The following TEAD1 variants were observed in gnomAD, a reference collection of about 807,000 sequenced individuals.
The protein encoded by TEAD1 is transcriptional enhancer factor TEF-1.
In TEAD1, 9 loss-of-function variants were observed where a neutral mutation model predicts 54.9. The observed-to-expected ratio is 0.16, with a 90% CI of 0.10 to 0.29. TEAD1 has a LOEUF of 0.29. TEAD1 is among the 10% of genes least tolerant of loss of function. The pLI, the probability that TEAD1 is intolerant of heterozygous loss-of-function variation, is 1.00. For missense variants in TEAD1, 387 were observed against 535.9 expected, an observed-to-expected ratio of 0.72 and a Z score of 2.74; for synonymous variants, 200 against 187.8, an observed-to-expected ratio of 1.07 and a Z score of -0.53.
At chr11:12,769,395 G>A (rs1405587199) in intron 3 of TEAD1, among the ~76,000 whole-genome samples, 1 of 152,180 alleles carries the variant, frequency 6.6e-6, no homozygotes, top group Non-Finnish European at 1.5e-5. Flanking sequence ...TGACAAGGGG[G>A]TATCAGAATG....
At chr11:12,781,797 A>G (rs891662532) in intron 3 of TEAD1, among the ~76,000 whole-genome samples, 6 of 151,694 alleles carry the variant, frequency 4.0e-5, no homozygotes, top group South Asian at 2.1e-4. Flanking sequence ...TTATTATAGG[A>G]CCCAAAAGAA....
intron 9 of TEAD1, among the ~76,000 whole-genome samples, chr11:12,899,947 T>TG (rs1182292798): frequency 6.6e-6 from 1 of 152,244 alleles, no homozygotes; most frequent in Non-Finnish European, 1.5e-5. Context: ...GAGATCCAAA[T>TG]GTGGGTAGCA....
intron 2 of TEAD1, among the ~76,000 whole-genome samples, chr11:12,734,287 CAT>C (rs766830479): frequency 2.0e-5 from 3 of 151,882 alleles, no homozygotes; most frequent in African/African-American, 7.3e-5. Context: ...TAGAAAAAGA[CAT>C]AAAATATTTT....
intron 2 of TEAD1, among the ~76,000 whole-genome samples, chr11:12,739,368 A>C (rs775499476): frequency 6.6e-6 from 1 of 152,198 alleles, no homozygotes; most frequent in Non-Finnish European, 1.5e-5. Context: ...TTGTTTTGCT[A>C]TCGTCACCAC....
chr11:12,764,487 G>A, intron 3 of TEAD1, 53 bp downstream of exon 3: 1 of 1,584,798 alleles, frequency 6.3e-7, no homozygotes, highest in Non-Finnish European at 8.7e-7. Context: ...GTTGTGGTAG[G>A]GGATAGATTG....
chr11:12,888,368 G>A (rs1384405894), intron 9 of TEAD1, among the ~76,000 whole-genome samples: 2 of 152,174 alleles, frequency 1.3e-5, no homozygotes, highest in Non-Finnish European at 2.9e-5. Flanking sequence ...AATTAGCTGG[G>A]CATGGTGGAG....
At chr11:12,803,338 A>G (rs1462729625) in intron 3 of TEAD1, among the ~76,000 whole-genome samples, 1 of 152,204 alleles carries the variant, frequency 6.6e-6, no homozygotes, top group Non-Finnish European at 1.5e-5. Flanking sequence ...ATGAAGGATT[A>G]TGAGTCTGAA....
intron 9 of TEAD1, 65 bp downstream of exon 9, chr11:12,883,190 T>C: frequency 6.2e-7 from 1 of 1,611,036 alleles, no homozygotes; most frequent in Non-Finnish European, 8.5e-7. Context: ...TTTACCTCCT[T>C]GCTTCTCTTT....
At chr11:12,890,002 G>A (rs1352362811) in intron 9 of TEAD1, among the ~76,000 whole-genome samples, 5 of 152,148 alleles carry the variant, frequency 3.3e-5, no homozygotes, top group African/African-American at 1.2e-4. Flanking sequence ...GATTACAGGT[G>A]TGAGCCACCG....
intron 5 of TEAD1, among the ~76,000 whole-genome samples, chr11:12,870,568 C>T (rs868036406): frequency 1.3e-5 from 2 of 152,126 alleles, no homozygotes; most frequent in African/African-American, 4.8e-5. Flanking sequence ...CCCCGCCCCC[C>T]CCGGGGTTGG....
chr11:12,811,180 G>C (rs1946292907), intron 3 of TEAD1, among the ~76,000 whole-genome samples: 1 of 152,290 alleles, frequency 6.6e-6, no homozygotes, highest in East Asian at 1.9e-4. Context: ...TATCTTTCTG[G>C]GGCTGCTGGG....
chr11:12,758,762 C>CA (rs1174098870), intron 2 of TEAD1, among the ~76,000 whole-genome samples: 1 of 152,080 alleles, frequency 6.6e-6, no homozygotes, highest in Non-Finnish European at 1.5e-5. Context: ...AGGCTGGTCT[C>CA]AAACTCCTGA....
chr11:12,698,232 C>G (rs1943628250), intron 2 of TEAD1, among the ~76,000 whole-genome samples: 1 of 152,050 alleles, frequency 6.6e-6, no homozygotes, highest in Non-Finnish European at 1.5e-5. Context: ...AGGTGAGGAG[C>G]CTTGCCGTGA....
chr11:12,742,570 G>T (rs981273375), intron 2 of TEAD1, among the ~76,000 whole-genome samples: 2 of 152,056 alleles, frequency 1.3e-5, no homozygotes, highest in African/African-American at 4.8e-5. Flanking sequence ...GCAAAAAGAA[G>T]AATTTAAATG....
At chr11:12,778,606 C>T (rs1945480018) in intron 3 of TEAD1, among the ~76,000 whole-genome samples, 1 of 147,108 alleles carries the variant, frequency 6.8e-6, no homozygotes, top group African/African-American at 2.5e-5. Context: ...CCACTGAGAA[C>T]TCTTCAAGGG....
chr11:12,786,792 A>G (rs1945686200), intron 3 of TEAD1, among the ~76,000 whole-genome samples: 1 of 152,212 alleles, frequency 6.6e-6, no homozygotes, highest in African/African-American at 2.4e-5. Flanking sequence ...TAAGTATGTT[A>G]GGTGGTGGAA....
rs139997639 is a variant in TEAD1, at chr11:12,893,321, G to T, written c.700-8619G>T. ...CCGGGGAAGGAGATGATGGCTCAGT[G>T]TGGAGCACCCCCATGCCCCTCACAG... is the stretch of plus-strand genomic sequence containing the variant. On this transcript the variant is annotated intron_variant, in intron 9 of 12. Transcript: ENST00000527636. Among the ~76,000 whole-genome samples, 444 of 152,290 alleles carry T rather than the reference G, an allele frequency of 2.9e-3. 1 individual carries two copies. Among genetic ancestry groups the T allele is most frequent in the Middle Eastern group, 0.014 (4 of 294 alleles).
Position 12,865,178 on chromosome 11 carries a change from A to G in TEAD1, c.330+278A>G, listed in dbSNP as rs1947592452. The G allele has an allele frequency of 1.4e-5, 7 of 484,986 alleles. No homozygotes were observed. In the South Asian group the frequency reaches 1.6e-4, roughly 11 times the overall value. 30.0% of individuals were successfully genotyped at this position (484,986 alleles called of 1,614,324 possible). Reference sequence around the variant, plus strand: ...AATGCAGCAGAGAGCTGGTCTTGATAACTTTTCAGCACAGAAACATGATTT... The same window carrying G: ...AATGCAGCAGAGAGCTGGTCTTGATGACTTTTCAGCACAGAAACATGATTT... On this transcript the variant is annotated intron_variant, in intron 5 of 12. Transcript: ENST00000527636.
At chr11:12,706,427 A>G (rs1344882794) in intron 2 of TEAD1, among the ~76,000 whole-genome samples, 4 of 152,242 alleles carry the variant, frequency 2.6e-5, no homozygotes, top group Non-Finnish European at 5.9e-5. Flanking sequence ...AATTTTTTGA[A>G]TATTGTGTAT....
Sources: allele counts gnomAD v4.1 joint callset (sites outside exome capture counted in the v4.1 genomes callset), GRCh38; gene constraint gnomAD v4.1.1; transcripts MANE v1.5; gene names NCBI Gene and HGNC (gene_info 2026-07-23, HGNC 2026-07-21).